HDHD3: variants seen among roughly 807,000 people sequenced by gnomAD.
HDHD3 encodes the protein haloacid dehalogenase-like hydrolase domain-containing protein 3.
HDHD3 carries 6 observed loss-of-function variants against 6.9 expected under a neutral mutation model. That is an observed-to-expected ratio of 0.87 (90% CI 0.48 to 1.72). The LOEUF (loss-of-function observed/expected upper bound fraction) is 1.72. HDHD3 is among the 40% of genes most tolerant of loss of function. The probability of loss-of-function intolerance (pLI) is 0.01; values close to 1 mark genes in which losing one functional copy is unlikely to be tolerated. For missense variants in HDHD3, 308 were observed against 327.4 expected, an observed-to-expected ratio of 0.94 and a Z score of 0.46; for synonymous variants, 139 against 140.7, an observed-to-expected ratio of 0.99 and a Z score of 0.08.
Position 113,373,995 on chromosome 9 carries a change from G to A in HDHD3, c.360C>T (p.Thr120=). ...GACCCCGTGTGCGGCACTCCCTCAG[G>A]GTGTCCTCAGCCCCATCCAACACCT... ...TWQVLDGAED[T]LRECRTRGLR... The change falls in exon 3 of 3, where the codon ACC becomes ACT. Residue 120 remains threonine (T), a synonymous_variant. Transcript: ENST00000374180. 10 of 1,614,192 alleles carry A rather than the reference G, an allele frequency of 6.2e-6. No homozygotes were observed. Among genetic ancestry groups the A allele is most frequent in the Non-Finnish European group, 8.5e-6 (10 of 1,180,040 alleles).
At chr9:113,376,530 T>C (rs7868918) in intron 1 of HDHD3, among the ~76,000 whole-genome samples, 199 bp downstream of exon 1, 3,579 of 127,920 alleles carry the variant, frequency 0.028, 360 homozygotes, top group African/African-American at 0.11. Flanking sequence ...GTATTTTTAG[T>C]GGAGACGGGG....
At position 113,373,822 on chromosome 9, in the gene HDHD3, C is replaced by T. The variant is rs754070311; in HGVS notation, c.533G>A (p.Arg178Gln). The change falls in exon 3 of 3, where the codon CGG becomes CAG. Residue 178 changes from arginine to glutamine, a missense_variant. Transcript: ENST00000374180. ...PDPRIFQEAL[R>Q]LAHMEPVVAA... Reference sequence around the variant, plus strand: ...CACTACTGGTTCCATATGAGCAAGCCGCAAGGCCTCCTGGAAAATGCGGGG... The same window carrying T: ...CACTACTGGTTCCATATGAGCAAGCTGCAAGGCCTCCTGGAAAATGCGGGG... The T allele has an allele frequency of 2.4e-5, 39 of 1,613,898 alleles. No individual in the cohort carries two copies. Among genetic ancestry groups the T allele is most frequent in the African/African-American group, 5.3e-5 (4 of 74,946 alleles).
Position 113,374,283 on chromosome 9 carries a change from G to A in HDHD3, c.72C>T (p.Pro24=), listed in dbSNP as rs1331278793. Residue 24 remains proline (P), a synonymous_variant, in exon 3 of 3, where the codon CCC becomes CCT. Transcript: ENST00000374180. Reference sequence around the variant, plus strand: ...CCTTGGTGGCATAGGCCTCCCCTAAGGGGTGGCGGAGCCTGAGCAGCGTGT... The same window carrying A: ...CCTTGGTGGCATAGGCCTCCCCTAAAGGGTGGCGGAGCCTGAGCAGCGTGT... ...VKDTLLRLRH[P]LGEAYATKAR... 2 of 1,565,196 alleles carry A rather than the reference G, an allele frequency of 1.3e-6. No homozygotes were observed. The highest frequency in any genetic ancestry group is 2.3e-5 in the East Asian group (1 of 44,290).
At chr9:113,375,999 T>G (rs1014575568) in intron 1 of HDHD3, 2 of 150,664 alleles carry the variant, frequency 1.3e-5, no homozygotes, top group South Asian at 4.2e-4. Flanking sequence ...GGGAGTCACA[T>G]TGGCACAGCT....
chr9:113,375,045 G>A (rs77426336), intron 2 of HDHD3, among the ~76,000 whole-genome samples: 1 of 151,752 alleles, frequency 6.6e-6, no homozygotes, highest in East Asian at 1.9e-4. Context: ...TGAACTTTTT[G>A]TAGAGATGTG....
chr9:113,374,676 G>C (rs1205608367), intron 2 of HDHD3, 147 bp from the exon 3 acceptor site: 3 of 301,658 alleles, frequency 9.9e-6, no homozygotes, highest in Non-Finnish European at 1.8e-5. Flanking sequence ...TGAGCTAGCT[G>C]CTAGCATATG....
At chr9:113,376,582 C>CAG (rs1834470129) in intron 1 of HDHD3, 147 bp downstream of exon 1, 1 of 144,030 alleles carries the variant, frequency 6.9e-6, no homozygotes, top group African/African-American at 2.6e-5. Flanking sequence ...CTCCCGAACT[C>CAG]GTGATCCTCC....
In HDHD3 at chr9:113,374,462, C is replaced by T. The variant is rs551336812; in HGVS notation, c.-108G>A. ...GCGCAACCTAACAATCACCTCTTTC[C>T]AGGCCTTGTGGGTCAGATTTGCTGG... On this transcript the variant is annotated 5_prime_UTR_variant, in exon 3 of 3. Transcript: ENST00000374180. 4.8e-6 allele frequency: 5 copies of T among 1,038,176 alleles called. No individual in the cohort carries two copies. In the African/African-American group the frequency reaches 7.8e-5, roughly 16 times the overall value. 64.3% of individuals were successfully genotyped at this position (1,038,176 alleles called of 1,614,324 possible).
chr9:113,374,154 G>C lies in HDHD3; in HGVS notation c.201C>G (p.His67Gln), dbSNP rs113717994. Reference sequence around the variant, plus strand: ...GCCACCACTGGCGGGAGGTTAGGCCGTGGCTCAGGCCGTAGTTGGGGAAGC... The same window carrying C: ...GCCACCACTGGCGGGAGGTTAGGCCCTGGCTCAGGCCGTAGTTGGGGAAGC... ...SHSFPNYGLS[H>Q]GLTSRQWWLD... is the part of the protein sequence containing the mutation. The change falls in exon 3 of 3, where the codon CAC becomes CAG. Residue 67 changes from histidine to glutamine, a missense_variant. Physicochemically the swap from His to Gln is conservative, Grantham distance 24 (BLOSUM62 0). Coordinates refer to ENST00000374180, the MANE Select transcript of HDHD3 (RefSeq NM_001304509.2). 1.9e-6 allele frequency: 3 copies of C among 1,596,096 alleles called. No homozygotes were observed. Among genetic ancestry groups the C allele is most frequent in the South Asian group, 1.1e-5 (1 of 89,866 alleles).
At chr9:113,374,851 G>T (rs990490072) in intron 2 of HDHD3, among the ~76,000 whole-genome samples, 1 of 152,148 alleles carries the variant, frequency 6.6e-6, no homozygotes, top group Non-Finnish European at 1.5e-5. Flanking sequence ...AATGTCATAA[G>T]CAAGTGAAGT....
intron 2 of HDHD3, among the ~76,000 whole-genome samples, 194 bp downstream of exon 2, chr9:113,375,259 G>A (rs931943189): frequency 1.3e-5 from 2 of 152,216 alleles, no homozygotes; most frequent in East Asian, 3.9e-4. Flanking sequence ...CCCGTCAGTG[G>A]AAATAGCAAG....
intron 2 of HDHD3, among the ~76,000 whole-genome samples, chr9:113,374,986 C>T (rs1252357395): frequency 6.6e-6 from 1 of 152,078 alleles, no homozygotes; most frequent in Non-Finnish European, 1.5e-5. Flanking sequence ...GCTTTAGCCT[C>T]CCTAGTAGCT....
At chr9:113,376,641 A>C (rs1419671515) in intron 1 of HDHD3, 88 bp downstream of exon 1, 1 of 143,632 alleles carries the variant, frequency 7.0e-6, no homozygotes, top group East Asian at 2.3e-4. Flanking sequence ...GATTACGGTA[A>C]AGGCGTGAGC....
In HDHD3 at chr9:113,373,476, G is replaced by T; in HGVS notation, c.*123C>A. 1 of 1,092,314 alleles carries T rather than the reference G, an allele frequency of 9.2e-7. No individual in the cohort carries two copies. The highest frequency in any genetic ancestry group is 1.3e-6 in the Non-Finnish European group (1 of 770,044). The allele number at this position is 1,092,314 out of a possible 1,614,324, so 67.7% of individuals were successfully genotyped here. A position where few individuals can be genotyped will look rare whatever the true frequency, so the allele number is the denominator to read the frequency against. On this transcript the variant is annotated 3_prime_UTR_variant, in exon 3 of 3. Coordinates refer to ENST00000374180, the MANE Select transcript of HDHD3 (RefSeq NM_001304509.2). ...TCACTGCTTTATTATCACAGTAGGTGACAAAGGCCGCAGGGAGAGGGGGAA... is the reference window on the plus strand; with the variant it reads ...TCACTGCTTTATTATCACAGTAGGTTACAAAGGCCGCAGGGAGAGGGGGAA...
Position 113,373,803 on chromosome 9 carries a change from T to C in HDHD3, c.552A>G (p.Pro184=), listed in dbSNP as rs2118947883. The C allele has an allele frequency of 6.2e-7, 1 of 1,613,108 alleles. No individual in the cohort carries two copies. The highest frequency in any genetic ancestry group is 2.2e-5 in the East Asian group (1 of 44,838). The change falls in exon 3 of 3, where the codon CCA becomes CCG. Residue 184 remains proline (P), a synonymous_variant. Transcript: ENST00000374180. ...TATCCCCAACATGGGCTGCCACTAC[T>C]GGTTCCATATGAGCAAGCCGCAAGG... is the stretch of plus-strand genomic sequence containing the variant. ...QEALRLAHME[P]VVAAHVGDNY... is the part of the protein sequence containing the mutation.
rs781550762 is a variant in HDHD3, at chr9:113,373,616, A to G, written c.739T>C (p.Ser247Pro). Residue 247 changes from serine (S) to proline (P), a missense_variant, in exon 3 of 3, where the codon TCA becomes CCA. By Grantham distance (74) the Ser-to-Pro change is moderately conservative. Transcript: ENST00000374180. ...LLPALDCLEG[S>P]TPGL Reference sequence around the variant, plus strand: ...CACTGGCCTCAAAGCCCTGGAGTTGAGCCCTCTAGGCAGTCAAGGGCAGGC... The same window carrying G: ...CACTGGCCTCAAAGCCCTGGAGTTGGGCCCTCTAGGCAGTCAAGGGCAGGC... 1 of 1,579,510 alleles carries G rather than the reference A, an allele frequency of 6.3e-7. No homozygotes were observed. Among genetic ancestry groups the G allele is most frequent in the East Asian group, 2.3e-5 (1 of 44,406 alleles).
chr9:113,375,299 C>T (rs1834432971), intron 2 of HDHD3, among the ~76,000 whole-genome samples, 154 bp downstream of exon 2: 1 of 151,574 alleles, frequency 6.6e-6, no homozygotes, highest in South Asian at 2.1e-4. Flanking sequence ...GGCAAGTAGA[C>T]AGAGGCCAGC....
At position 113,373,482 on chromosome 9, in the gene HDHD3, G is replaced by T; in HGVS notation, c.*117C>A. ...CTTTATTATCACAGTAGGTGACAAA[G>T]GCCGCAGGGAGAGGGGGAAAGGTCC... is the stretch of plus-strand genomic sequence containing the variant. On this transcript the variant is annotated 3_prime_UTR_variant, in exon 3 of 3. Transcript: ENST00000374180. 8.7e-7 allele frequency: 1 copy of T among 1,147,848 alleles called. No homozygotes were observed. Among genetic ancestry groups the T allele is most frequent in the Non-Finnish European group, 1.2e-6 (1 of 818,978 alleles). 71.1% of individuals were successfully genotyped at this position (1,147,848 alleles called of 1,614,324 possible).
rs768306035 is a variant in HDHD3 at position 113,374,382 on chromosome 9, G to A, written c.-28C>T. The A allele has an allele frequency of 6.7e-7, 1 of 1,498,076 alleles. No individual in the cohort carries two copies. Among genetic ancestry groups the A allele is most frequent in the African/African-American group, 1.4e-5 (1 of 71,610 alleles). 92.8% of individuals were successfully genotyped at this position (1,498,076 alleles called of 1,614,324 possible). A position where few individuals can be genotyped will look rare whatever the true frequency, so the allele number is the denominator to read the frequency against. ...AGGAGGCCAAGTCCACCCCAGTTCTGCCTCAGGTCCCACGGTGGGTCCCAG... is the reference window on the plus strand; with the variant it reads ...AGGAGGCCAAGTCCACCCCAGTTCTACCTCAGGTCCCACGGTGGGTCCCAG... On this transcript the variant is annotated 5_prime_UTR_variant, in exon 3 of 3. Coordinates refer to ENST00000374180, the MANE Select transcript of HDHD3 (RefSeq NM_001304509.2).
Sources: gnomAD v4.1 joint callset for allele counts (sites outside exome capture counted in the v4.1 genomes callset) on GRCh38, gnomAD v4.1.1 for gene constraint, MANE v1.5 for transcripts, NCBI Gene and HGNC (gene_info 2026-07-23, HGNC 2026-07-21) for gene names.